Variants in DIO1 observed in about 807,000 individuals in gnomAD.
DIO1 encodes iodothyronine deiodinase 1.
Under a neutral mutation model 25.9 loss-of-function variants are expected in DIO1, and 17 were observed. The observed-to-expected ratio is 0.66, with a 90% CI of 0.45 to 0.98. The LOEUF (loss-of-function observed/expected upper bound fraction) is 0.98. DIO1 is among the 50% of genes least tolerant of loss of function. DIO1 has a pLI of 0.00. For missense variants in DIO1, 270 were observed against 310.4 expected (o/e 0.87, Z 0.98); for synonymous variants, 115 against 114.0 (o/e 1.01, Z -0.05).
At chr1:53,901,628 T>C (rs924561836) in intron 1 of DIO1, among the ~76,000 whole-genome samples, 3 of 152,316 alleles carry the variant, frequency 2.0e-5, no homozygotes, top group Non-Finnish European at 2.9e-5. Flanking sequence ...CTGGCCCTTC[T>C]GTCTTCCAAA....
At chr1:53,904,932 A>T in intron 2 of DIO1, 123 bp downstream of exon 2, 1 of 1,094,214 alleles carries the variant, frequency 9.1e-7, no homozygotes. Context: ...GGAAAGAGCC[A>T]CTATTCACTG....
intron 1 of DIO1, among the ~76,000 whole-genome samples, chr1:53,901,374 C>T (rs1651349955): frequency 6.6e-6 from 1 of 152,092 alleles, no homozygotes; most frequent in African/African-American, 2.4e-5. Context: ...GAGTGCTTTC[C>T]AGAAACAATA....
intron 3 of DIO1, among the ~76,000 whole-genome samples, chr1:53,906,527 TC>T (rs1651664871): frequency 6.6e-6 from 1 of 152,224 alleles, no homozygotes; most frequent in African/African-American, 2.4e-5. Flanking sequence ...CACACGAATG[TC>T]CCTAGCATTT....
intron 1 of DIO1, among the ~76,000 whole-genome samples, chr1:53,896,105 T>C (rs939268800): frequency 6.6e-5 from 10 of 152,114 alleles, no homozygotes; most frequent in Admixed American, 5.9e-4. Flanking sequence ...GTCTGATTTA[T>C]CTCTGGATTC....
chr1:53,904,823 C>A lies in DIO1; in HGVS notation c.481+14C>A. ...CACATGCATCAGGTACAGAAAGATTCTCTGCCTCTTCTACCTCTTCCCACT... is the reference window on the plus strand; with the variant it reads ...CACATGCATCAGGTACAGAAAGATTATCTGCCTCTTCTACCTCTTCCCACT... On this transcript the variant is annotated intron_variant, in intron 2 of 3. Coordinates refer to ENST00000361921, the MANE Select transcript of DIO1 (RefSeq NM_000792.7). The A allele has an allele frequency of 6.2e-7, 1 of 1,606,568 alleles. No homozygotes were observed. Among genetic ancestry groups the A allele is most frequent in the Non-Finnish European group, 8.5e-7 (1 of 1,176,750 alleles).
In DIO1 at chr1:53,906,241, G is replaced by C. The variant is rs202120584; in HGVS notation, c.628G>C (p.Ala210Pro). The change falls in exon 3 of 4, where the codon GCA becomes CCA. Residue 210 changes from alanine (A) to proline (P), a missense_variant. Physicochemically the swap from Ala to Pro is conservative, Grantham distance 27. Coordinates refer to ENST00000361921, the MANE Select transcript of DIO1 (RefSeq NM_000792.7). ...GCAGAACCAGAGCAGCCAGCTCTAC[G>C]CAGCACTGCCTGAGAGGCTCTACAT... ...TMQNQSSQLY[A>P]ALPERLYIIQ... 4 of 1,614,112 alleles carry C rather than the reference G, an allele frequency of 2.5e-6. No homozygotes were observed. The highest frequency in any genetic ancestry group is 3.4e-6 in the Non-Finnish European group (4 of 1,179,986).
intron 1 of DIO1, among the ~76,000 whole-genome samples, chr1:53,898,336 A>G (rs1034609248): frequency 1.3e-5 from 2 of 151,678 alleles, no homozygotes; most frequent in African/African-American, 4.8e-5. Flanking sequence ...ATCATCAGGA[A>G]CCAGAGCTTA....
chr1:53,898,058 G>A (rs1207180863), intron 1 of DIO1, among the ~76,000 whole-genome samples: 11 of 152,148 alleles, frequency 7.2e-5, no homozygotes, highest in East Asian at 1.9e-4. Context: ...AGATGGTGTC[G>A]TGACAGGGAA....
chr1:53,901,263 A>G (rs1415668786), intron 1 of DIO1, among the ~76,000 whole-genome samples: 1 of 152,022 alleles, frequency 6.6e-6, no homozygotes, highest in Non-Finnish European at 1.5e-5. Context: ...ACATGGCCCT[A>G]CTGTAGCAGT....
At chr1:53,902,215 G>A (rs1005647335) in intron 1 of DIO1, among the ~76,000 whole-genome samples, 16 of 151,834 alleles carry the variant, frequency 1.1e-4, no homozygotes, top group African/African-American at 3.4e-4. Flanking sequence ...TCATTTCTCA[G>A]GTTAAATGGC....
In DIO1 at chr1:53,910,206, A is replaced by G. The variant is rs1651876917; in HGVS notation, c.*207A>G. The G allele has an allele frequency of 5.2e-6, 3 of 576,684 alleles. No individual in the cohort carries two copies. The highest frequency in any genetic ancestry group is 9.3e-6 in the Non-Finnish European group (3 of 321,702). The allele number at this position is 576,684 out of a possible 1,614,324, so 35.7% of individuals were successfully genotyped here. On this transcript the variant is annotated 3_prime_UTR_variant, in exon 4 of 4. Coordinates refer to ENST00000361921, the MANE Select transcript of DIO1 (RefSeq NM_000792.7). ...ACAAATTGTTATTATCAGAAAATGA[A>G]GCAACACTTGAGCTGTTCAGGCCAG...
chr1:53,903,920 C>T (rs1162366460), intron 1 of DIO1, among the ~76,000 whole-genome samples: 2 of 151,886 alleles, frequency 1.3e-5, no homozygotes, highest in African/African-American at 2.4e-5. Context: ...AGGAACCCTG[C>T]ATTTTCATTT....
intron 2 of DIO1, 54 bp from the exon 3 acceptor site, chr1:53,906,041 G>A (rs1651636980): frequency 1.9e-6 from 3 of 1,554,586 alleles, no homozygotes; most frequent in Non-Finnish European, 2.7e-6. Context: ...TATTTAGTCT[G>A]CAGGAAGTGT....
chr1:53,903,286 C>T (rs1446250634), intron 1 of DIO1: 9 of 152,038 alleles, frequency 5.9e-5, no homozygotes. Context: ...ATGTTCCTTA[C>T]AGAGGTTGCA....
intron 1 of DIO1, among the ~76,000 whole-genome samples, chr1:53,904,017 A>G (rs879629996): frequency 5.9e-5 from 9 of 152,134 alleles, no homozygotes; most frequent in Admixed American, 5.2e-4. Context: ...TCCCTACTTC[A>G]TAGCTCAGGG....
At position 53,894,693 on chromosome 1, in the gene DIO1, A is replaced by G. The variant is rs1157679395; in HGVS notation, c.337+146A>G. On this transcript the variant is annotated intron_variant, in intron 1 of 3. Coordinates refer to ENST00000361921, the MANE Select transcript of DIO1 (RefSeq NM_000792.7). This position sits in a 1 kb window ranked among gnomAD's most constrained non-coding sequence, Gnocchi z 4.9. Reference sequence around the variant, plus strand: ...TGTCCTCTTCCTGCTTCCTGAAACTAGAACTTCTTGTGGATTGTTTCTCTA... The same window carrying G: ...TGTCCTCTTCCTGCTTCCTGAAACTGGAACTTCTTGTGGATTGTTTCTCTA... 4.0e-6 allele frequency: 3 copies of G among 741,482 alleles called. No homozygotes were observed. The highest frequency in any genetic ancestry group is 6.4e-6 in the Non-Finnish European group (3 of 466,986). The allele number at this position is 741,482 out of a possible 1,614,324, so 45.9% of individuals were successfully genotyped here.
In DIO1 at chr1:53,910,425, A is replaced by G. The variant is rs570351315; in HGVS notation, c.*426A>G. The G allele has an allele frequency of 2.9e-4, 48 of 165,752 alleles. 1 individual carries two copies. In the South Asian group the frequency reaches 7.7e-3, roughly 26 times the overall value. 10.3% of individuals were successfully genotyped at this position (165,752 alleles called of 1,614,324 possible). On this transcript the variant is annotated 3_prime_UTR_variant, in exon 4 of 4. Transcript: ENST00000361921. The stretch of plus-strand genomic sequence containing the variant: ...AGCTGGCATTCCTTCTATTAGGGAA[A>G]TTCATTTTACCCAATTTGCATTTAT...
At position 53,906,305 on chromosome 1, in the gene DIO1, G is replaced by A. The variant is rs767289139; in HGVS notation, c.681+11G>A. 8 of 1,602,418 alleles carry A rather than the reference G, an allele frequency of 5.0e-6. No individual in the cohort carries two copies. The highest frequency in any genetic ancestry group is 8.5e-7 in the Non-Finnish European group (1 of 1,172,520). On this transcript the variant is annotated intron_variant, in intron 3 of 3. Transcript: ENST00000361921. ...AGGATCCTCTACAAGGTGGTGACCT[G>A]GGGACAGGGGGCCCAGGGAGGGCAA...
At position 53,906,240 on chromosome 1, in the gene DIO1, C is replaced by A. The variant is rs750647907; in HGVS notation, c.627C>A (p.Tyr209Ter). The A allele has an allele frequency of 1.2e-6, 2 of 1,614,144 alleles. No individual in the cohort carries two copies. The highest frequency in any genetic ancestry group is 1.7e-6 in the Non-Finnish European group (2 of 1,180,012). Residue 209 changes from tyrosine (Y) to a stop codon, truncating the protein, a stop_gained, in exon 3 of 4, where the codon TAC becomes TAA. Coordinates refer to ENST00000361921, the MANE Select transcript of DIO1 (RefSeq NM_000792.7). LOFTEE classifies it high-confidence loss of function. Reference protein sequence around the residue: ...DTMQNQSSQLYAALPERLYII... With the variant: ...DTMQNQSSQL Reference sequence around the variant, plus strand: ...TGCAGAACCAGAGCAGCCAGCTCTACGCAGCACTGCCTGAGAGGCTCTACA... The same window carrying A: ...TGCAGAACCAGAGCAGCCAGCTCTAAGCAGCACTGCCTGAGAGGCTCTACA...
Sources: allele counts gnomAD v4.1 joint callset (sites outside exome capture counted in the v4.1 genomes callset), GRCh38; gene constraint gnomAD v4.1.1; non-coding constraint Gnocchi (gnomAD v3.1); transcripts MANE v1.5; gene names NCBI Gene and HGNC (gene_info 2026-07-23, HGNC 2026-07-21).